FBXL22: variants seen among roughly 807,000 people sequenced by gnomAD.
The protein encoded by FBXL22 is F-box and leucine rich repeat protein 22.
FBXL22 carries 13 observed loss-of-function variants against 11.7 expected under a neutral mutation model. The observed-to-expected ratio is 1.11, with a 90% CI of 0.73 to 1.77. The LOEUF (loss-of-function observed/expected upper bound fraction) is 1.77, where lower values mean the gene tolerates loss of function less well. Ranked by LOEUF, FBXL22 falls within the 40% of genes most tolerant of loss-of-function variation. FBXL22 has a pLI of 0.00. For missense variants in FBXL22, 406 were observed against 320.4 expected, an observed-to-expected ratio of 1.27 and a Z score of -2.04; for synonymous variants, 160 against 144.1, an observed-to-expected ratio of 1.11 and a Z score of -0.79.
chr15:63,601,491 C>G, downstream of FBXL22: 4 of 1,549,716 alleles, frequency 2.6e-6, no homozygotes, highest in Non-Finnish European at 3.5e-6. Context: ...AGCGACCCAG[C>G]GAGACCCCGC....
At chr15:63,601,952 C>A, downstream of FBXL22, 1 of 484,996 alleles carries the variant, frequency 2.1e-6, no homozygotes, top group Non-Finnish European at 3.6e-6. Context: ...AATTTCAGGG[C>A]TGTAGTCACT....
chr15:63,601,373 A>C, downstream of FBXL22: 2 of 1,604,956 alleles, frequency 1.2e-6, no homozygotes, highest in Non-Finnish European at 1.7e-6. Flanking sequence ...GTTGGACCGA[A>C]ATCACCTCGG....
downstream of FBXL22, chr15:63,601,498 C>A: frequency 6.5e-7 from 1 of 1,547,890 alleles, no homozygotes; most frequent in Non-Finnish European, 8.7e-7. Context: ...CAGCGAGACC[C>A]CGCCGGCTCC....
At position 63,597,602 on chromosome 15, in the gene FBXL22, AC is replaced by A; in HGVS notation, c.211del (p.Leu71SerfsTer115). ...AGGACAACTTCCTCCTGGGCCCGGCACTCCGCAGCCTCTCCATCTGCTGGCA... is the reference window on the plus strand; with the variant it reads ...AGGACAACTTCCTCCTGGGCCCGGCATCCGCAGCCTCTCCATCTGCTGGCA... ...QKDNFLLGPA[L>X]RSLSICWHSS... On this transcript the variant is annotated frameshift_variant, in exon 1 of 2. Transcript: ENST00000638704. LOFTEE classifies it high-confidence loss of function. The surrounding 1 kb of genome is among the most constrained non-coding windows in gnomAD (Gnocchi z 4.3). The A allele has an allele frequency of 1.2e-6, 2 of 1,613,624 alleles. No individual in the cohort carries two copies. The highest frequency in any genetic ancestry group is 1.6e-4 in the Middle Eastern group (1 of 6,062).
downstream of FBXL22, among the ~76,000 whole-genome samples, chr15:63,607,055 T>C (rs923639443): frequency 1.1e-5 from 1 of 87,056 alleles, no homozygotes; most frequent in African/African-American, 4.4e-5. Flanking sequence ...GCAGCACAGA[T>C]GCTTTTTTTT....
At chr15:63,607,583 TCTCA>T in the FBXL22 span, among the ~76,000 whole-genome samples, 1 of 152,256 alleles carries the variant, frequency 6.6e-6, no homozygotes, top group Non-Finnish European at 1.5e-5. Flanking sequence ...TATTAGGTAT[TCTCA>T]CTAAGAAAGA....
chr15:63,607,384 C>T (rs563595582), downstream of FBXL22, among the ~76,000 whole-genome samples: 22 of 152,220 alleles, frequency 1.4e-4, no homozygotes, highest in Non-Finnish European at 2.6e-4. Context: ...GGCCTTCCCA[C>T]CCCGAGCAGG....
downstream of FBXL22, chr15:63,602,065 A>T: frequency 4.8e-6 from 1 of 209,182 alleles, no homozygotes; most frequent in Non-Finnish European, 9.7e-6. Flanking sequence ...GAGCACTGTG[A>T]TGGGCGCTGT....
chr15:63,605,386 T>C (rs1348357299), downstream of FBXL22, among the ~76,000 whole-genome samples: 1 of 151,894 alleles, frequency 6.6e-6, no homozygotes, highest in Non-Finnish European at 1.5e-5. Context: ...TAGGGGGAGG[T>C]ATCCTCATAT....
Position 63,600,814 on chromosome 15 carries a change from G to T in FBXL22, c.471G>T (p.Ala157=), listed in dbSNP as rs2152688746. 1 of 1,230,898 alleles carries T rather than the reference G, an allele frequency of 8.1e-7. No homozygotes were observed. The highest frequency in any genetic ancestry group is 3.1e-4 in the Middle Eastern group (1 of 3,204). 76.2% of individuals were successfully genotyped at this position (1,230,898 alleles called of 1,614,324 possible). The change falls in exon 2 of 2, where the codon GCG becomes GCT. Residue 157 remains alanine, a synonymous_variant. Transcript: ENST00000638704. ...RLRALRLENC[A]RVTNRTLAAV... ...GCGCACTGCGCCTGGAGAACTGCGC[G>T]CGCGTCACCAACCGCACGTTGGCTG...
downstream of FBXL22, chr15:63,601,411 G>C (rs778771995): frequency 3.1e-6 from 5 of 1,591,384 alleles, no homozygotes; most frequent in South Asian, 5.6e-5. Context: ...CTCGGAGTTC[G>C]CCGACTTGCG....
chr15:63,599,121 T>C (rs1457269375), intron 1 of FBXL22: 7 of 1,310,260 alleles, frequency 5.3e-6, no homozygotes, highest in Admixed American at 2.0e-5. Context: ...TTTCTTCTTC[T>C]ATAAAATGTG....
At chr15:63,604,015 T>C (rs1269714261), downstream of FBXL22, among the ~76,000 whole-genome samples, 1 of 152,190 alleles carries the variant, frequency 6.6e-6, no homozygotes, top group Non-Finnish European at 1.5e-5. Context: ...CCCCAGGCCT[T>C]TGTTTTCATC....
chr15:63,601,514 T>C (rs1368143013), downstream of FBXL22: 2 of 1,549,712 alleles, frequency 1.3e-6, no homozygotes, highest in Middle Eastern at 1.7e-4. Context: ...GCTCCCGGAG[T>C]GTCCTGGGGA....
In FBXL22 at chr15:63,600,734, G is replaced by A. The variant is rs1425407045; in HGVS notation, c.391G>A (p.Gly131Ser). ...NLASVTLSGC[G>S]HVTDDCLARL... is the part of the protein sequence containing the mutation. ...GGCGTCCGTCACGCTCTCGGGCTGC[G>A]GCCACGTTACCGACGACTGCCTGGC... Residue 131 changes from glycine to serine, a missense_variant, in exon 2 of 2, where the codon GGC becomes AGC. Coordinates refer to ENST00000638704, the MANE Select transcript of FBXL22 (RefSeq NM_001367807.1). The A allele has an allele frequency of 3.2e-6, 4 of 1,231,368 alleles. No individual in the cohort carries two copies. The highest frequency in any genetic ancestry group is 4.0e-6 in the Non-Finnish European group (4 of 987,800). 76.3% of individuals were successfully genotyped at this position (1,231,368 alleles called of 1,614,324 possible). A position where few individuals can be genotyped will look rare whatever the true frequency, so the allele number is the denominator to read the frequency against.
chr15:63,598,632 G>A (rs1595793819), intron 1 of FBXL22, among the ~76,000 whole-genome samples: 1 of 152,180 alleles, frequency 6.6e-6, no homozygotes, highest in Non-Finnish European at 1.5e-5. Context: ...TAACAAACTG[G>A]CCCTGGCTGT....
chr15:63,600,693 A>T lies in FBXL22; in HGVS notation c.354-4A>T. On this transcript the variant is annotated splice_region_variant and splice_polypyrimidine_tract_variant and intron_variant, in intron 1 of 1. Coordinates refer to ENST00000638704, the MANE Select transcript of FBXL22 (RefSeq NM_001367807.1). The stretch of plus-strand genomic sequence containing the variant: ...AGCCCCGGGTCACCGCACTCTCCTC[A>T]CAGGTGCCCCAACCTGGCGTCCGTC... The T allele has an allele frequency of 8.1e-7, 1 of 1,231,292 alleles. No homozygotes were observed. Among genetic ancestry groups the T allele is most frequent in the Non-Finnish European group, 1.0e-6 (1 of 987,738 alleles). The allele number at this position is 1,231,292 out of a possible 1,614,324, so 76.3% of individuals were successfully genotyped here. A position where few individuals can be genotyped will look rare whatever the true frequency, so the allele number is the denominator to read the frequency against.
In FBXL22 at chr15:63,600,936, C is replaced by T. The variant is rs2067360836; in HGVS notation, c.593C>T (p.Pro198Leu). The stretch of plus-strand genomic sequence containing the variant: ...CTGCGCCGCCTGCGCGCCGCGTGCC[C>T]GCGCCTGGCCCTGCGGGCAGAGCAC... ...AGLRRLRAACPRLALRAEHSA... is the reference protein window; with the variant it reads ...AGLRRLRAACLRLALRAEHSA... Residue 198 changes from proline (P) to leucine (L), a missense_variant, in exon 2 of 2, where the codon CCG becomes CTG. By Grantham distance (98) the Pro-to-Leu change is moderately conservative. Transcript: ENST00000638704. The T allele has an allele frequency of 1.7e-6, 2 of 1,203,934 alleles. No homozygotes were observed. Among genetic ancestry groups the T allele is most frequent in the East Asian group, 6.8e-5 (2 of 29,402 alleles). 74.6% of individuals were successfully genotyped at this position (1,203,934 alleles called of 1,614,324 possible).
At chr15:63,604,785 T>C (rs1464124988), downstream of FBXL22, among the ~76,000 whole-genome samples, 4 of 152,198 alleles carry the variant, frequency 2.6e-5, no homozygotes, top group Non-Finnish European at 5.9e-5. Flanking sequence ...CCAGGTGCAG[T>C]GGCTCACGCC....
Sources: gnomAD v4.1 joint callset for allele counts (sites outside exome capture counted in the v4.1 genomes callset) on GRCh38, gnomAD v4.1.1 for gene constraint, Gnocchi (gnomAD v3.1) non-coding constraint, MANE v1.5 for transcripts, NCBI Gene and HGNC (gene_info 2026-07-23, HGNC 2026-07-21) for gene names.